Variants in MYO10 observed in about 807,000 individuals in gnomAD.
MYO10 encodes the protein myosin X.
Under a neutral mutation model 257.3 loss-of-function variants are expected in MYO10, and 133 were observed. That is an observed-to-expected ratio of 0.52 (90% CI 0.45 to 0.60). MYO10 has a LOEUF of 0.60. MYO10 is among the 20% of genes least tolerant of loss of function. MYO10 has a pLI of 0.00. For missense variants in MYO10, 2,399 were observed against 2,635.7 expected (o/e 0.91, Z 1.97); for synonymous variants, 1,104 against 1,028.6 (o/e 1.07, Z -1.40).
In MYO10 at chr5:16,711,189, C is replaced by A; in HGVS notation, c.1986G>T (p.Met662Ile). 1 of 1,613,592 alleles carries A rather than the reference C, an allele frequency of 6.2e-7. No homozygotes were observed. The highest frequency in any genetic ancestry group is 8.5e-7 in the Non-Finnish European group (1 of 1,179,744). ...VVLNQLRYSG[M>I]LETVRIRKAG... ...CTTTGCGGATTCTCACAGTCTCCAGCATCCCTGAGTACCGCAGCTGGTTCA... is the reference window on the plus strand; with the variant it reads ...CTTTGCGGATTCTCACAGTCTCCAGAATCCCTGAGTACCGCAGCTGGTTCA... The change falls in exon 20 of 41, where the codon ATG (methionine) becomes ATT (isoleucine). Residue 662 changes from methionine to isoleucine, a missense_variant. Physicochemically the swap from Met to Ile is conservative, Grantham distance 10 (BLOSUM62 1). Coordinates refer to ENST00000513610, the MANE Select transcript of MYO10 (RefSeq NM_012334.3).
intron 2 of MYO10, among the ~76,000 whole-genome samples, chr5:16,863,490 G>C (rs950988269): frequency 1.3e-5 from 2 of 152,184 alleles, no homozygotes; most frequent in Admixed American, 6.5e-5. Context: ...GTGTACCTTT[G>C]GCAAGCTAAG....
At position 16,848,629 on chromosome 5, in the gene MYO10, C is replaced by T. The variant is rs16869172; in HGVS notation, c.120+28980G>A. Among the ~76,000 whole-genome samples the T allele has an allele frequency of 6.2e-3, 935 of 151,996 alleles. 10 individuals carry two copies. The highest frequency in any genetic ancestry group is 0.021 in the African/African-American group (887 of 41,312). ...CCTCCAAGAGTCTTTGGGAAACGCT[C>T]GTCGTTATGGCTGCCATTAGTAAAC... is the stretch of plus-strand genomic sequence containing the variant. On this transcript the variant is annotated intron_variant, in intron 2 of 40. Coordinates refer to ENST00000513610, the MANE Select transcript of MYO10 (RefSeq NM_012334.3).
chr5:16,926,009 C>T (rs1012811863), intron 1 of MYO10, among the ~76,000 whole-genome samples: 2 of 152,096 alleles, frequency 1.3e-5, no homozygotes. Flanking sequence ...ACTGATTGTA[C>T]ATTTCAAAAT....
intron 3 of MYO10, among the ~76,000 whole-genome samples, chr5:16,806,511 C>T (rs559921633): frequency 1.3e-5 from 2 of 151,818 alleles, no homozygotes; most frequent in African/African-American, 2.4e-5. Flanking sequence ...GGCGTGGTGG[C>T]GGGCGCCTAC....
chr5:16,843,528 G>C (rs1265493288), intron 2 of MYO10, among the ~76,000 whole-genome samples: 1 of 152,150 alleles, frequency 6.6e-6, no homozygotes, highest in African/African-American at 2.4e-5. Context: ...TAGGAGTCTA[G>C]CATCCAAGTG....
chr5:16,681,960 T>C lies in MYO10; in HGVS notation c.4100A>G (p.Asp1367Gly). The part of the protein sequence containing the change: ...TANRVLHCNA[D>G]TPEEMHHWIT... ...CCAGTGGTGCATCTCCTCCGGCGTGTCGGCGTTGCAGTGCAGCACCCGGTT... is the reference window on the plus strand; with the variant it reads ...CCAGTGGTGCATCTCCTCCGGCGTGCCGGCGTTGCAGTGCAGCACCCGGTT... The change falls in exon 31 of 41, where the codon GAC becomes GGC. Residue 1367 changes from aspartate (D) to glycine (G), a missense_variant. Physicochemically the swap from Asp to Gly is moderately conservative, Grantham distance 94. This residue lies in a region of MYO10 where 1,820 missense variants were observed against 1,939.4 expected (regional missense o/e 0.94). Coordinates refer to ENST00000513610, the MANE Select transcript of MYO10 (RefSeq NM_012334.3). The C allele has an allele frequency of 6.2e-7, 1 of 1,613,930 alleles. No homozygotes were observed. The highest frequency in any genetic ancestry group is 1.1e-5 in the South Asian group (1 of 91,070).
chr5:16,907,874 A>G (rs1463966984), intron 1 of MYO10, among the ~76,000 whole-genome samples: 1 of 152,254 alleles, frequency 6.6e-6, no homozygotes, highest in African/African-American at 2.4e-5. Flanking sequence ...GGAAAATGTA[A>G]TATAAAAATT....
chr5:16,689,101 G>A (rs560492309), intron 28 of MYO10, among the ~76,000 whole-genome samples: 7 of 152,166 alleles, frequency 4.6e-5, no homozygotes, highest in Non-Finnish European at 8.8e-5. Context: ...AATTGAGGTT[G>A]CACTGCATTA....
At chr5:16,742,319 T>C (rs1346322571) in intron 19 of MYO10, 1 of 869,894 alleles carries the variant, frequency 1.1e-6, no homozygotes, top group Non-Finnish European at 1.4e-6. Flanking sequence ...AGGATGGAAG[T>C]GACCACTGAG....
Position 16,703,055 on chromosome 5 carries a change from C to T in MYO10, c.2380G>A (p.Val794Ile), listed in dbSNP as rs775961475. Residue 794 changes from valine to isoleucine, a missense_variant, in exon 23 of 41, where the codon GTT (valine) becomes ATT (isoleucine). This residue lies in a region of MYO10 where 1,820 missense variants were observed against 1,939.4 expected (regional missense o/e 0.94). Transcript: ENST00000513610. ...TGACCTCTGAGTTGCTTCTGGAAAACTATGGCTGCCTTTTTCAGGTGCAAA... is the reference window on the plus strand; with the variant it reads ...TGACCTCTGAGTTGCTTCTGGAAAATTATGGCTGCCTTTTTCAGGTGCAAA... ...RFLHLKKAAI[V>I]FQKQLRGQIA... 1 of 1,557,838 alleles carries T rather than the reference C, an allele frequency of 6.4e-7. No individual in the cohort carries two copies. The highest frequency in any genetic ancestry group is 8.7e-7 in the Non-Finnish European group (1 of 1,149,616).
intron 2 of MYO10, among the ~76,000 whole-genome samples, chr5:16,850,023 G>T (rs1449171449): frequency 6.6e-6 from 1 of 152,256 alleles, no homozygotes; most frequent in African/African-American, 2.4e-5. Context: ...TATCTATTCA[G>T]CAAGTCTGAT....
intron 1 of MYO10, among the ~76,000 whole-genome samples, chr5:16,881,207 G>T (rs1297431608): frequency 1.3e-5 from 2 of 152,124 alleles, no homozygotes; most frequent in Non-Finnish European, 2.9e-5. Context: ...TGTCTATTTA[G>T]TAAGAATGAA....
At chr5:16,784,040 T>C (rs1341173762) in intron 4 of MYO10, among the ~76,000 whole-genome samples, 1 of 152,198 alleles carries the variant, frequency 6.6e-6, no homozygotes, top group African/African-American at 2.4e-5. Flanking sequence ...CAGCTCGGCC[T>C]GATCCAAAGT....
intron 17 of MYO10, among the ~76,000 whole-genome samples, chr5:16,760,947 T>C (rs1376186592): frequency 3.3e-5 from 5 of 150,998 alleles, no homozygotes; most frequent in Non-Finnish European, 7.4e-5. Context: ...CCTCACTAAA[T>C]GGCAGTCATT....
At chr5:16,789,677 C>A (rs1210938641) in intron 4 of MYO10, among the ~76,000 whole-genome samples, 1 of 152,172 alleles carries the variant, frequency 6.6e-6, no homozygotes, top group Admixed American at 6.5e-5. Context: ...CCTGTAACCC[C>A]AGCTACCTGG....
chr5:16,852,336 C>T (rs950679172), intron 2 of MYO10, among the ~76,000 whole-genome samples: 2 of 151,720 alleles, frequency 1.3e-5, no homozygotes, highest in African/African-American at 2.4e-5. Context: ...GGGGCTTAAT[C>T]GTAGATGTAT....
At chr5:16,860,060 A>G (rs935339784) in intron 2 of MYO10, among the ~76,000 whole-genome samples, 8 of 152,264 alleles carry the variant, frequency 5.3e-5, no homozygotes, top group African/African-American at 1.9e-4. Context: ...CTGCTTTATC[A>G]GTGGGATTTC....
intron 19 of MYO10, among the ~76,000 whole-genome samples, chr5:16,733,748 C>T (rs1174135630): frequency 1.3e-5 from 2 of 152,142 alleles, no homozygotes; most frequent in African/African-American, 4.8e-5. Flanking sequence ...TTGGGAGTTG[C>T]TAGGAAACGG....
At chr5:16,929,126 G>C (rs1746225319) in intron 1 of MYO10, among the ~76,000 whole-genome samples, 1 of 151,452 alleles carries the variant, frequency 6.6e-6, no homozygotes, top group Non-Finnish European at 1.5e-5. Flanking sequence ...CTCATTTTTT[G>C]TATTTTTAGT....
Sources: allele counts gnomAD v4.1 joint callset (sites outside exome capture counted in the v4.1 genomes callset), GRCh38; gene constraint gnomAD v4.1.1; regional missense constraint gnomAD v4.1.1; transcripts MANE v1.5; gene names NCBI Gene and HGNC (gene_info 2026-07-23, HGNC 2026-07-21).